The following SHANK2 variants were observed in gnomAD, a reference collection of about 807,000 sequenced individuals.
SHANK2 encodes the protein SH3 and multiple ankyrin repeat domains protein 2.
SHANK2 carries 43 observed loss-of-function variants against 133.7 expected under a neutral mutation model. The ratio of observed to expected loss-of-function variants is 0.32; its 90% CI spans 0.25 to 0.41. The LOEUF is 0.41. Ranked by LOEUF, SHANK2 falls within the 10% of genes least tolerant of loss-of-function variation. SHANK2 has a pLI of 1.00. For missense variants in SHANK2, 1,994 were observed against 2,235.8 expected (o/e 0.89, Z 2.18); for synonymous variants, 1,017 against 952.8 (o/e 1.07, Z -1.24).
intron 17 of SHANK2, among the ~76,000 whole-genome samples, chr11:70,506,291 G>A (rs1019504689): frequency 2.6e-5 from 4 of 152,186 alleles, no homozygotes; most frequent in Admixed American, 2.6e-4. Flanking sequence ...CAGATTTGAT[G>A]TCTCATATCT....
At chr11:70,904,111 G>A (rs1304441973) in intron 10 of SHANK2, among the ~76,000 whole-genome samples, 1 of 152,210 alleles carries the variant, frequency 6.6e-6, no homozygotes, top group Non-Finnish European at 1.5e-5. Context: ...GGGGGCACTT[G>A]TTCCTCGCTT....
chr11:71,133,141 A>T (rs1248365398), intron 3 of SHANK2, among the ~76,000 whole-genome samples: 32 of 131,732 alleles, frequency 2.4e-4, no homozygotes, highest in Middle Eastern at 3.6e-3. Flanking sequence ...GAATGAGTGG[A>T]TGGAGGGAGG....
At chr11:70,482,403 G>A (rs1721988427) in intron 25 of SHANK2, among the ~76,000 whole-genome samples, 1 of 152,248 alleles carries the variant, frequency 6.6e-6, no homozygotes, top group Non-Finnish European at 1.5e-5. Context: ...GCCCGCGGCA[G>A]TCTCAGCCTT....
chr11:70,626,502 G>A (rs1353207743), intron 17 of SHANK2, among the ~76,000 whole-genome samples: 2 of 152,138 alleles, frequency 1.3e-5, no homozygotes, highest in Non-Finnish European at 2.9e-5. Context: ...CAAGCTTTAC[G>A]CCACAAAGCC....
intron 17 of SHANK2, among the ~76,000 whole-genome samples, chr11:70,537,449 G>A (rs1366592038): frequency 6.6e-6 from 1 of 152,266 alleles, no homozygotes; most frequent in Non-Finnish European, 1.5e-5. Flanking sequence ...ACACACAGCT[G>A]GGAGAGGGCA....
At chr11:70,781,163 C>T (rs2018121) in intron 14 of SHANK2, among the ~76,000 whole-genome samples, 110,684 of 151,042 alleles carry the variant, frequency 0.73, 42,990 homozygotes, top group East Asian at 0.98. Flanking sequence ...GACCGGTTGC[C>T]GTGAGACCCC....
chr11:70,526,867 C>T (rs59460219), intron 17 of SHANK2, among the ~76,000 whole-genome samples: 65,537 of 150,842 alleles, frequency 0.43, 14,947 homozygotes, highest in East Asian at 0.62. Flanking sequence ...AATCACATCC[C>T]GGGGGAGCCC....
At chr11:70,618,435 G>A (rs1216062303) in intron 17 of SHANK2, among the ~76,000 whole-genome samples, 2 of 152,174 alleles carry the variant, frequency 1.3e-5, no homozygotes, top group African/African-American at 4.8e-5. Context: ...CGCCATTTAT[G>A]TCTAGCCTAA....
At chr11:71,078,682 C>G (rs1017702211) in intron 8 of SHANK2, among the ~76,000 whole-genome samples, 1 of 152,222 alleles carries the variant, frequency 6.6e-6, no homozygotes. Context: ...CATCAGTTTA[C>G]TGTTGCCATG....
At chr11:70,654,957 C>T (rs888554741) in intron 17 of SHANK2, among the ~76,000 whole-genome samples, 2 of 151,954 alleles carry the variant, frequency 1.3e-5, no homozygotes, top group African/African-American at 2.4e-5. Context: ...TTAGTAGAGA[C>T]GGGGTTTCAT....
intron 1 of SHANK2, among the ~76,000 whole-genome samples, chr11:71,237,898 C>T (rs74746297): frequency 0.017 from 2,663 of 152,342 alleles, 95 homozygotes; most frequent in African/African-American, 0.062. Context: ...GATGAACACA[C>T]ACCACTACCC....
At chr11:70,629,341 G>A (rs531891283) in intron 17 of SHANK2, among the ~76,000 whole-genome samples, 1 of 152,334 alleles carries the variant, frequency 6.6e-6, no homozygotes, top group East Asian at 1.9e-4. Flanking sequence ...CGAACTCTCT[G>A]AAGGGTTTGG....
chr11:70,671,270 G>A (rs1944800562), intron 15 of SHANK2, among the ~76,000 whole-genome samples: 4 of 152,102 alleles, frequency 2.6e-5, no homozygotes, highest in Admixed American at 2.6e-4. Flanking sequence ...GAACGGAAAC[G>A]TCGTCTAGGA....
chr11:70,542,105 G>A (rs1190465646), intron 17 of SHANK2, among the ~76,000 whole-genome samples: 1 of 152,228 alleles, frequency 6.6e-6, no homozygotes, highest in African/African-American at 2.4e-5. Flanking sequence ...TTGCAGAGAA[G>A]TTACAAAAAC....
chr11:71,176,123 A>T (rs1172110747), intron 2 of SHANK2, among the ~76,000 whole-genome samples: 1 of 152,202 alleles, frequency 6.6e-6, no homozygotes, highest in Non-Finnish European at 1.5e-5. Flanking sequence ...GAACATACAG[A>T]AGGGTTTTGC....
intron 3 of SHANK2, among the ~76,000 whole-genome samples, chr11:71,119,843 G>A (rs1476164223): frequency 6.6e-6 from 1 of 152,136 alleles, no homozygotes; most frequent in African/African-American, 2.4e-5. Flanking sequence ...CAGAGCCACA[G>A]CCCGCGCATA....
intron 11 of SHANK2, among the ~76,000 whole-genome samples, chr11:70,829,960 G>A (rs782310394): frequency 1.3e-5 from 2 of 152,136 alleles, no homozygotes; most frequent in African/African-American, 4.8e-5. Flanking sequence ...TTCCAGCGAC[G>A]GGGGACTCAC....
intron 10 of SHANK2, among the ~76,000 whole-genome samples, chr11:70,923,582 C>T (rs947726378): frequency 3.9e-5 from 6 of 151,958 alleles, no homozygotes; most frequent in African/African-American, 9.7e-5. Context: ...CCCACTCTAT[C>T]GCCCAGGCTG....
chr11:71,075,507 G>A (rs1026082723), intron 8 of SHANK2, among the ~76,000 whole-genome samples: 29 of 152,290 alleles, frequency 1.9e-4, no homozygotes, highest in Admixed American at 9.2e-4. Flanking sequence ...GTGGGATTGG[G>A]GACTGGTGCT....
Sources: allele counts gnomAD v4.1 joint callset (sites outside exome capture counted in the v4.1 genomes callset), GRCh38; gene constraint gnomAD v4.1.1; transcripts MANE v1.5; gene names NCBI Gene and HGNC (gene_info 2026-07-23, HGNC 2026-07-21).